Variants in RNF182 observed in about 807,000 individuals in gnomAD.
RNF182 encodes the protein ring finger protein 182.
RNF182 carries 15 observed loss-of-function variants against 14.4 expected under a neutral mutation model. The ratio of observed to expected loss-of-function variants is 1.04; its 90% CI spans 0.70 to 1.60. RNF182 has a LOEUF of 1.60. Ranked by LOEUF, RNF182 falls within the 40% of genes most tolerant of loss-of-function variation. The pLI is 0.00. For missense variants in RNF182, 268 were observed against 294.8 expected, an observed-to-expected ratio of 0.91 and a Z score of 0.67; for synonymous variants, 128 against 122.9, an observed-to-expected ratio of 1.04 and a Z score of -0.27.
chr6:13,966,742 G>A (rs1273057917), intron 1 of RNF182, among the ~76,000 whole-genome samples: 4 of 151,894 alleles, frequency 2.6e-5, no homozygotes, highest in African/African-American at 4.8e-5. Flanking sequence ...CAGCCTGGGC[G>A]ACAGATCAGG....
intron 1 of RNF182, among the ~76,000 whole-genome samples, chr6:13,966,262 A>G (rs1334130655): frequency 6.6e-6 from 1 of 152,226 alleles, no homozygotes; most frequent in Non-Finnish European, 1.5e-5. Context: ...GTAACTGAAC[A>G]AAAAGTTAAC....
intron 1 of RNF182, among the ~76,000 whole-genome samples, chr6:13,960,152 G>A (rs1270383666): frequency 6.6e-6 from 1 of 152,174 alleles, no homozygotes; most frequent in Non-Finnish European, 1.5e-5. Context: ...GGTGAGACAA[G>A]GTGAAGACAG....
Position 13,977,289 on chromosome 6 carries a change from C to G in RNF182, c.170C>G (p.Ser57Cys), listed in dbSNP as rs1366474594. ...CLYKIIDFGDSPQGVIVCPFC... is the reference protein window; with the variant it reads ...CLYKIIDFGDCPQGVIVCPFC... ...TACAAGATCATAGACTTTGGGGACT[C>G]CCCACAAGGTGTCATTGTCTGTCCT... is the stretch of plus-strand genomic sequence containing the variant. Residue 57 changes from serine (S) to cysteine (C), a missense_variant, in exon 3 of 3, where the codon TCC becomes TGC. Transcript: ENST00000488300. 8.1e-6 allele frequency: 13 copies of G among 1,614,062 alleles called. No individual in the cohort carries two copies. Among genetic ancestry groups the G allele is most frequent in the Non-Finnish European group, 1.1e-5 (13 of 1,180,028 alleles).
intron 1 of RNF182, chr6:13,925,249 C>A: frequency 6.6e-6 from 1 of 151,712 alleles, no homozygotes; most frequent in Non-Finnish European, 1.5e-5. Flanking sequence ...AGGGGCTGTG[C>A]GGCGGAGGGC....
rs1760433874 is a variant in RNF182, at chr6:13,979,343, T to C, written c.*1480T>C. 1 of 166,908 alleles carries C rather than the reference T, an allele frequency of 6.0e-6. No individual in the cohort carries two copies. Among genetic ancestry groups the C allele is most frequent in the Non-Finnish European group, 1.5e-5 (1 of 68,102 alleles). The allele number at this position is 166,908 out of a possible 1,614,324, so 10.3% of individuals were successfully genotyped here. ...CCATTACTAATGATTAACATTAAAA[T>C]ATTTGTAACTCTTAGAAAGGGGGCA... On this transcript the variant is annotated 3_prime_UTR_variant, in exon 3 of 3. Coordinates refer to ENST00000488300, the MANE Select transcript of RNF182 (RefSeq NM_152737.4).
chr6:13,945,287 C>G (rs994458898), intron 1 of RNF182, among the ~76,000 whole-genome samples: 14 of 152,176 alleles, frequency 9.2e-5, no homozygotes, highest in African/African-American at 2.9e-4. Flanking sequence ...TTATTGTGGC[C>G]CACTTTAGGG....
chr6:13,959,866 G>A (rs994757559), intron 1 of RNF182, among the ~76,000 whole-genome samples: 5 of 152,174 alleles, frequency 3.3e-5, no homozygotes, highest in Admixed American at 6.5e-5. Flanking sequence ...AACTCAGAGG[G>A]AAGGGATAGG....
Position 13,977,876 on chromosome 6 carries a change from A to T in RNF182, c.*13A>T. ...ACCTCCTTCTTAACTGATATGCAAA[A>T]TAAGAAATTGGACACACATTGCCCT... On this transcript the variant is annotated 3_prime_UTR_variant, in exon 3 of 3. Coordinates refer to ENST00000488300, the MANE Select transcript of RNF182 (RefSeq NM_152737.4). The T allele has an allele frequency of 6.3e-7, 1 of 1,595,544 alleles. No homozygotes were observed. The highest frequency in any genetic ancestry group is 8.5e-7 in the Non-Finnish European group (1 of 1,170,300).
intron 1 of RNF182, among the ~76,000 whole-genome samples, chr6:13,966,585 A>G (rs921132837): frequency 2.6e-5 from 4 of 152,056 alleles, no homozygotes; most frequent in African/African-American, 9.7e-5. Flanking sequence ...CAACATGGCA[A>G]AACCCCGTCT....
intron 2 of RNF182, among the ~76,000 whole-genome samples, chr6:13,975,716 A>G (rs1561789829): frequency 6.6e-6 from 1 of 152,234 alleles, no homozygotes; most frequent in Non-Finnish European, 1.5e-5. Flanking sequence ...GATCCATAGC[A>G]AATTTAAATG....
At chr6:13,939,304 A>G (rs1243979769) in intron 1 of RNF182, among the ~76,000 whole-genome samples, 4 of 152,086 alleles carry the variant, frequency 2.6e-5, no homozygotes, top group African/African-American at 9.7e-5. Context: ...GAGAGTTGAC[A>G]TTTTTATAAT....
intron 1 of RNF182, among the ~76,000 whole-genome samples, chr6:13,930,126 G>C (rs367871136): frequency 8.7e-4 from 63 of 72,592 alleles, no homozygotes; most frequent in African/African-American, 2.2e-3. Context: ...AAAATATTTG[G>C]AAAATATTCC....
intron 1 of RNF182, among the ~76,000 whole-genome samples, chr6:13,927,142 G>T (rs919129363): frequency 1.3e-5 from 2 of 152,136 alleles, no homozygotes; most frequent in African/African-American, 4.8e-5. Context: ...CTTGGTTGTA[G>T]TGGCTTATTA....
intron 1 of RNF182, among the ~76,000 whole-genome samples, chr6:13,969,114 G>T (rs897628576): frequency 7.2e-5 from 11 of 151,750 alleles, no homozygotes; most frequent in African/African-American, 2.4e-4. Flanking sequence ...TTTTGTTGTT[G>T]TTGTTGTTGT....
At chr6:13,950,196 T>C (rs1759552394) in intron 1 of RNF182, among the ~76,000 whole-genome samples, 2 of 152,140 alleles carry the variant, frequency 1.3e-5, no homozygotes, top group Admixed American at 1.3e-4. Flanking sequence ...GTGAAAAACT[T>C]GGTGAGTGAG....
chr6:13,968,995 AT>A (rs1362806569), intron 1 of RNF182, among the ~76,000 whole-genome samples: 2 of 152,228 alleles, frequency 1.3e-5, no homozygotes. Flanking sequence ...ACAGAAATCC[AT>A]CCAGAAAACT....
chr6:13,944,038 C>T (rs1379468663), intron 1 of RNF182, among the ~76,000 whole-genome samples: 1 of 152,008 alleles, frequency 6.6e-6, no homozygotes, highest in Non-Finnish European at 1.5e-5. Context: ...GACAAGATGC[C>T]CACCAGTTAG....
At chr6:13,940,684 T>G (rs1759272215) in intron 1 of RNF182, among the ~76,000 whole-genome samples, 2 of 152,144 alleles carry the variant, frequency 1.3e-5, no homozygotes, top group Non-Finnish European at 2.9e-5. Flanking sequence ...AAAATGCTAC[T>G]TAGATTATTG....
At chr6:13,937,338 A>G (rs888313450) in intron 1 of RNF182, among the ~76,000 whole-genome samples, 2 of 152,150 alleles carry the variant, frequency 1.3e-5, no homozygotes, top group Non-Finnish European at 2.9e-5. Context: ...CCTGCCCCCA[A>G]AGGTGACCCA....
Sources: gnomAD v4.1 joint callset for allele counts (sites outside exome capture counted in the v4.1 genomes callset) on GRCh38, gnomAD v4.1.1 for gene constraint, MANE v1.5 for transcripts, NCBI Gene and HGNC (gene_info 2026-07-23, HGNC 2026-07-21) for gene names.